MAGOHB: variants seen among roughly 807,000 people sequenced by gnomAD.
MAGOHB encodes mago homolog B, exon junction complex subunit, also known as protein mago nashi homolog 2.
In MAGOHB, 15 loss-of-function variants were observed where a neutral mutation model predicts 20.9. The observed-to-expected ratio is 0.72, with a 90% confidence interval of 0.48 to 1.11. MAGOHB has a LOEUF of 1.11. Among genes scored for constraint, MAGOHB ranks in the 50% least tolerant of loss-of-function variants. The pLI, the probability that MAGOHB is intolerant of heterozygous loss-of-function variation, is 0.00. For synonymous variants in MAGOHB, 50 were observed against 57.9 expected (o/e 0.86, Z 0.62); for missense variants, 162 against 177.6 (o/e 0.91, Z 0.50).
At chr12:10,601,907 C>G (rs1865558665), downstream of MAGOHB, among the ~76,000 whole-genome samples, 1 of 152,140 alleles carries the variant, frequency 6.6e-6, no homozygotes, top group South Asian at 2.1e-4. Flanking sequence ...CCCTAAGGTT[C>G]TAATAGGGGA....
chr12:10,611,564 T>A (rs1388622118), intron 1 of MAGOHB, among the ~76,000 whole-genome samples: 2 of 151,494 alleles, frequency 1.3e-5, no homozygotes, highest in African/African-American at 4.8e-5. Context: ...CTGGCCAACA[T>A]GGAGAAACCC....
At chr12:10,603,456 T>C (rs1226152629), downstream of MAGOHB, among the ~76,000 whole-genome samples, 1 of 152,136 alleles carries the variant, frequency 6.6e-6, no homozygotes, top group East Asian at 1.9e-4. Context: ...CCTCTAGTAA[T>C]TGATCAAACA....
chr12:10,601,066 G>A (rs1350393821), downstream of MAGOHB, among the ~76,000 whole-genome samples: 2 of 152,110 alleles, frequency 1.3e-5, no homozygotes, highest in African/African-American at 4.8e-5. Context: ...GATTGGCTTC[G>A]TCAATCCCAA....
chr12:10,613,002 A>G (rs1375612536), intron 1 of MAGOHB: 1 of 1,170,674 alleles, frequency 8.5e-7, no homozygotes, highest in Non-Finnish European at 1.1e-6. Flanking sequence ...TTACACGTAA[A>G]CACCTAAAAC....
chr12:10,612,250 T>TAAC (rs1865760918), intron 1 of MAGOHB, among the ~76,000 whole-genome samples: 1 of 133,436 alleles, frequency 7.5e-6, no homozygotes, highest in African/African-American at 3.0e-5. Context: ...CATAACATAA[T>TAAC]TAGCTGGGTG....
At position 10,613,308 on chromosome 12, in the gene MAGOHB, C is replaced by T. The variant is rs561874347; in HGVS notation, c.94+131G>A. On this transcript the variant is annotated intron_variant, in intron 1 of 4. Transcript: ENST00000320756. ...CTTTCATTTATAAAACCAACTTATG[C>T]CTCCTCTATTCTTAAGCTCCTATTT... 61 of 765,088 alleles carry T rather than the reference C, an allele frequency of 8.0e-5. No individual in the cohort carries two copies. The South Asian group carries it at 9.1e-4, about 11-fold the overall frequency. 47.4% of individuals were successfully genotyped at this position (765,088 alleles called of 1,614,324 possible).
chr12:10,606,297 T>C lies in MAGOHB; in HGVS notation c.425A>G (p.His142Arg). 6.5e-7 allele frequency: 1 copy of C among 1,546,468 alleles called. No individual in the cohort carries two copies. The highest frequency in any genetic ancestry group is 8.8e-7 in the Non-Finnish European group (1 of 1,133,734). The change falls in exon 5 of 5, where the codon CAC (histidine) becomes CGC (arginine). Residue 142 changes from histidine (H) to arginine (R), a missense_variant. Physicochemically the swap from His to Arg is conservative, Grantham distance 29. Transcript: ENST00000320756. Reference protein sequence around the residue: ...KCLVFSLIGLHFKIKPI With the variant: ...KCLVFSLIGLRFKIKPI Reference sequence around the variant, plus strand: ...AATTTAAATTGGTTTAATCTTGAAGTGTAATCCAATAAGACTGAAAACTAA... The same window carrying C: ...AATTTAAATTGGTTTAATCTTGAAGCGTAATCCAATAAGACTGAAAACTAA...
chr12:10,603,828 C>CGACTTCATT, downstream of MAGOHB, among the ~76,000 whole-genome samples: 1 of 152,322 alleles, frequency 6.6e-6, no homozygotes, highest in Non-Finnish European at 1.5e-5. Flanking sequence ...ATTATCCATT[C>CGACTTCATT]ATGCTAGGAA....
chr12:10,607,824 A>G (rs1439096493), intron 4 of MAGOHB, 30 bp downstream of exon 4: 2 of 1,328,648 alleles, frequency 1.5e-6, no homozygotes, highest in Non-Finnish European at 2.1e-6. Flanking sequence ...TAATAATGAA[A>G]ACTTCGCCAA....
chr12:10,606,361 G>T lies in MAGOHB; in HGVS notation c.361C>A (p.Leu121Ile). Residue 121 changes from leucine (L) to isoleucine (I), a missense_variant, in exon 5 of 5, where the codon CTT becomes ATT. Transcript: ENST00000320756. ...DVNQSKDPEG[L>I]RVFYYLVQDL... ...TGTACCAAATAGTAAAATACTCGAA[G>T]GCCTTCAGGATCCCTAAAATTTAAA... 1 of 1,566,248 alleles carries T rather than the reference G, an allele frequency of 6.4e-7. No homozygotes were observed. Among genetic ancestry groups the T allele is most frequent in the South Asian group, 1.2e-5 (1 of 84,522 alleles).
downstream of MAGOHB, among the ~76,000 whole-genome samples, chr12:10,600,147 A>G (rs1338404035): frequency 6.6e-6 from 1 of 152,040 alleles, no homozygotes; most frequent in Non-Finnish European, 1.5e-5. Context: ...TGTGGCATAT[A>G]TTCTTCCAGT....
chr12:10,606,469 T>A (rs901778163), intron 4 of MAGOHB, 95 bp from the exon 5 acceptor site: 14 of 681,016 alleles, frequency 2.1e-5, no homozygotes, highest in Admixed American at 1.0e-4. Flanking sequence ...TCATAACAAT[T>A]AAGTTAACAA....
chr12:10,609,474 G>T, intron 3 of MAGOHB: 1 of 376,460 alleles, frequency 2.7e-6, no homozygotes. Context: ...ATGCAAGTAA[G>T]AATTTTAGAA....
chr12:10,599,767 T>C (rs1336438891), downstream of MAGOHB: 2 of 152,230 alleles, frequency 1.3e-5, no homozygotes, highest in Non-Finnish European at 2.9e-5. Context: ...CATATTCCTC[T>C]ATCTCAACTA....
At chr12:10,609,975 C>T (rs368995603) in intron 2 of MAGOHB, 34 bp from the exon 3 acceptor site, 3 of 1,198,720 alleles carry the variant, frequency 2.5e-6, no homozygotes, top group South Asian at 1.4e-5. Flanking sequence ...GAGATAATGC[C>T]CACCTATGTC....
intron 2 of MAGOHB, 44 bp downstream of exon 2, chr12:10,610,577 CA>C (rs541042923): frequency 0.18 from 127,100 of 703,292 alleles, 51 homozygotes; most frequent in Non-Finnish European, 0.19. Flanking sequence ...GGGCTAAATG[CA>C]AAAAAAAAAA....
chr12:10,610,600 A>AAAAC, intron 2 of MAGOHB, 22 bp downstream of exon 2: 1 of 1,374,026 alleles, frequency 7.3e-7, no homozygotes, highest in Non-Finnish European at 9.5e-7. Flanking sequence ...AAAAAAAAAA[A>AAAAC]AGACATTCAC....
chr12:10,600,717 C>T (rs1011449146), downstream of MAGOHB, among the ~76,000 whole-genome samples: 1 of 152,192 alleles, frequency 6.6e-6, no homozygotes, highest in Non-Finnish European at 1.5e-5. Context: ...GCAGACCCTG[C>T]CAGAATGTAC....
At position 10,609,907 on chromosome 12, in the gene MAGOHB, T is replaced by C. The variant is rs1327107885; in HGVS notation, c.188A>G (p.Lys63Arg). The C allele has an allele frequency of 1.2e-6, 2 of 1,611,182 alleles. No individual in the cohort carries two copies. The highest frequency in any genetic ancestry group is 1.1e-5 in the South Asian group (1 of 90,530). The part of the protein sequence containing the change: ...YVHKSVMEEL[K>R]RIIDDSEITK... ...AATTTCACTGTCATCAATAATTCTC[T>C]TCAGTTCTTCCATTACACTCTTGTG... The change falls in exon 3 of 5, where the codon AAG becomes AGG. Residue 63 changes from lysine to arginine, a missense_variant. By Grantham distance (26) the Lys-to-Arg change is conservative (BLOSUM62 2). Coordinates refer to ENST00000320756, the MANE Select transcript of MAGOHB (RefSeq NM_018048.5).
Sources: gnomAD v4.1 joint callset for allele counts (sites outside exome capture counted in the v4.1 genomes callset) on GRCh38, gnomAD v4.1.1 for gene constraint, MANE v1.5 for transcripts, NCBI Gene and HGNC (gene_info 2026-07-23, HGNC 2026-07-21) for gene names.